The following PCNX2 variants were observed in gnomAD, a reference collection of about 807,000 sequenced individuals.
PCNX2 encodes pecanex-like protein 2.
Under a neutral mutation model 223.8 loss-of-function variants are expected in PCNX2, and 168 were observed. The ratio of observed to expected loss-of-function variants is 0.75; its 90% CI spans 0.66 to 0.85. The LOEUF (loss-of-function observed/expected upper bound fraction) is 0.85. Ranked by LOEUF, PCNX2 falls within the 40% of genes least tolerant of loss-of-function variation. The pLI, the probability that PCNX2 is intolerant of heterozygous loss-of-function variation, is 0.00. For missense variants in PCNX2, 2,507 were observed against 2,675.5 expected (o/e 0.94, Z 1.39); for synonymous variants, 1,006 against 1,052.6 (o/e 0.96, Z 0.86).
At chr1:232,984,665 C>T in intron 33 of PCNX2, 188 bp from the exon 34 acceptor site, 1 of 575,306 alleles carries the variant, frequency 1.7e-6, no homozygotes, top group Non-Finnish European at 3.0e-6. Flanking sequence ...GGACGGGCAA[C>T]TGAAGCAGCA....
At position 232,999,327 on chromosome 1, in the gene PCNX2, A is replaced by G. The variant is rs761105603; in HGVS notation, c.5381T>C (p.Ile1794Thr). The change falls in exon 31 of 34, where the codon ATA becomes ACA. Residue 1794 changes from isoleucine to threonine, a missense_variant. Coordinates refer to ENST00000258229, the MANE Select transcript of PCNX2 (RefSeq NM_014801.4). ...GLWAGQQQEL[I>T]FLRNRNPERG... Reference sequence around the variant, plus strand: ...CTCCGGATTGCGGTTGCGAAGAAATATAAGCTCCTGCTGCTGCCCGGCCCA... The same window carrying G: ...CTCCGGATTGCGGTTGCGAAGAAATGTAAGCTCCTGCTGCTGCCCGGCCCA... 1 of 1,603,974 alleles carries G rather than the reference A, an allele frequency of 6.2e-7. No individual in the cohort carries two copies. The highest frequency in any genetic ancestry group is 1.1e-5 in the South Asian group (1 of 89,186).
At chr1:233,138,425 A>G (rs78641163) in intron 20 of PCNX2, among the ~76,000 whole-genome samples, 3,080 of 152,180 alleles carry the variant, frequency 0.02, 39 homozygotes, top group East Asian at 0.051. Context: ...CTTTAGCTCA[A>G]TTTCCCAGAG....
chr1:232,990,582 TGAG>T lies in PCNX2; in HGVS notation c.5792-4045_5792-4043del, dbSNP rs1669661524. 1.3e-5 allele frequency among the ~76,000 whole-genome samples: 2 copies of T among 152,306 alleles called. No homozygotes were observed. Among genetic ancestry groups the T allele is most frequent in the Admixed American group, 1.3e-4 (2 of 15,304 alleles). ...CTAGGGAAGCTGTAGTGTAAGTGGC[TGAG>T]GCCAGGAGGGGTAACCATCCACTCA... is the stretch of plus-strand genomic sequence containing the variant. On this transcript the variant is annotated intron_variant, in intron 32 of 33. Coordinates refer to ENST00000258229, the MANE Select transcript of PCNX2 (RefSeq NM_014801.4). This position sits in a 1 kb window ranked among gnomAD's most constrained non-coding sequence, Gnocchi z 4.3.
At chr1:233,086,256 G>A (rs779085509) in intron 23 of PCNX2, among the ~76,000 whole-genome samples, 4 of 152,182 alleles carry the variant, frequency 2.6e-5, no homozygotes, top group Admixed American at 6.6e-5. Context: ...TGGGAGATGG[G>A]CTAGAAAGTT....
chr1:233,277,545 A>G (rs563128646), intron 1 of PCNX2, among the ~76,000 whole-genome samples: 7 of 152,148 alleles, frequency 4.6e-5, no homozygotes, highest in African/African-American at 1.2e-4. Flanking sequence ...TCAGATTAAC[A>G]TCGGTAAAGT....
At chr1:233,048,264 C>A (rs1352952658) in intron 25 of PCNX2, among the ~76,000 whole-genome samples, 3 of 152,202 alleles carry the variant, frequency 2.0e-5, no homozygotes, top group Admixed American at 1.3e-4. Flanking sequence ...CGAGACCAGC[C>A]TGGCCAACAT....
intron 28 of PCNX2, among the ~76,000 whole-genome samples, chr1:233,002,561 G>T (rs2102799150): frequency 6.6e-6 from 1 of 152,266 alleles, no homozygotes; most frequent in Admixed American, 6.5e-5. Flanking sequence ...AATCAATATT[G>T]TGAAAATGGC....
At chr1:233,107,964 G>A (rs1454325565) in intron 21 of PCNX2, among the ~76,000 whole-genome samples, 1 of 152,230 alleles carries the variant, frequency 6.6e-6, no homozygotes. Context: ...AGATGGCGAT[G>A]AGCGTGACCT....
intron 15 of PCNX2, among the ~76,000 whole-genome samples, chr1:233,189,716 G>A (rs1011880786): frequency 6.6e-6 from 1 of 152,106 alleles, no homozygotes; most frequent in Non-Finnish European, 1.5e-5. Flanking sequence ...TTAAGGATAC[G>A]TGGGAAACAT....
At chr1:233,080,004 G>A (rs1558211840) in intron 23 of PCNX2, among the ~76,000 whole-genome samples, 1 of 152,044 alleles carries the variant, frequency 6.6e-6, no homozygotes, top group South Asian at 2.1e-4. Context: ...ATAGTCTCAC[G>A]AACTTGTTTG....
intron 12 of PCNX2, 134 bp from the exon 13 acceptor site, chr1:233,208,823 ATAC>A: frequency 3.4e-6 from 1 of 296,524 alleles, no homozygotes; most frequent in Non-Finnish European, 5.5e-6. Flanking sequence ...CACAATTCAT[ATAC>A]AAAAAAAAAA....
At chr1:233,224,300 G>C (rs1657567050) in intron 10 of PCNX2, among the ~76,000 whole-genome samples, 1 of 152,214 alleles carries the variant, frequency 6.6e-6, no homozygotes, top group African/African-American at 2.4e-5. Context: ...AATAGGACAA[G>C]TCCAGAAACA....
intron 13 of PCNX2, among the ~76,000 whole-genome samples, chr1:233,205,078 C>T (rs1681363864): frequency 6.6e-6 from 1 of 152,180 alleles, no homozygotes; most frequent in Admixed American, 6.5e-5. Context: ...TAACACCTCA[C>T]ATCCCAATGC....
intron 21 of PCNX2, among the ~76,000 whole-genome samples, chr1:233,106,982 A>G (rs929956581): frequency 5.3e-5 from 8 of 152,012 alleles, no homozygotes; most frequent in Non-Finnish European, 1.2e-4. Flanking sequence ...AAACACTGAA[A>G]CTTTCCACAT....
At chr1:233,285,035 G>A in intron 1 of PCNX2, 1 of 983,286 alleles carries the variant, frequency 1.0e-6, no homozygotes. Flanking sequence ...ACATCCCAAT[G>A]GACCATGTTG....
At chr1:232,993,044 G>C (rs1390257300) in intron 32 of PCNX2, among the ~76,000 whole-genome samples, 1 of 152,156 alleles carries the variant, frequency 6.6e-6, no homozygotes, top group African/African-American at 2.4e-5. Flanking sequence ...TGGAGAATTG[G>C]TACCAGCAGA....
intron 10 of PCNX2, among the ~76,000 whole-genome samples, chr1:233,220,622 G>A (rs867370535): frequency 1.3e-5 from 2 of 151,872 alleles, no homozygotes; most frequent in Middle Eastern, 3.4e-3. Flanking sequence ...GCCCATTTTC[G>A]GGTTGTTCCT....
Position 233,190,331 on chromosome 1 carries a change from G to A in PCNX2, c.3066+8608C>T, listed in dbSNP as rs116323122. On this transcript the variant is annotated intron_variant, in intron 15 of 33. Transcript: ENST00000258229. ...AGTGGGAGTTTGATTGAAGATGGGT[G>A]AGCTTTTCTTGTTTCCTAAGGACCC... 4.5e-3 allele frequency among the ~76,000 whole-genome samples: 679 copies of A among 152,264 alleles called. 3 individuals carry two copies. Among genetic ancestry groups the A allele is most frequent in the African/African-American group, 0.015 (631 of 41,552 alleles).
chr1:233,002,102 T>C (rs1163994472), intron 28 of PCNX2, among the ~76,000 whole-genome samples: 1 of 152,208 alleles, frequency 6.6e-6, no homozygotes, highest in Non-Finnish European at 1.5e-5. Context: ...CTTCTTCTTC[T>C]TTGCATTTCT....
Sources: gnomAD v4.1 joint callset for allele counts (sites outside exome capture counted in the v4.1 genomes callset) on GRCh38, gnomAD v4.1.1 for gene constraint, Gnocchi (gnomAD v3.1) non-coding constraint, MANE v1.5 for transcripts, NCBI Gene and HGNC (gene_info 2026-07-23, HGNC 2026-07-21) for gene names.